Variants in EYS observed in about 807,000 individuals in gnomAD.
The protein encoded by EYS is protein eyes shut homolog.
In EYS, 250 loss-of-function variants were observed where a neutral mutation model predicts 282.1. The observed-to-expected ratio is 0.89, with a 90% CI of 0.80 to 0.98. EYS has a LOEUF of 0.98. Ranked by LOEUF, EYS falls within the 50% of genes least tolerant of loss-of-function variation. EYS has a pLI of 0.00. For missense variants in EYS, 4,016 were observed against 3,709.0 expected, an observed-to-expected ratio of 1.08 and a Z score of -2.15; for synonymous variants, 1,355 against 1,282.9, an observed-to-expected ratio of 1.06 and a Z score of -1.20.
At chr6:64,398,408 A>T (rs929609179) in intron 28 of EYS, among the ~76,000 whole-genome samples, 6 of 151,936 alleles carry the variant, frequency 3.9e-5, no homozygotes, top group Non-Finnish European at 8.8e-5. Flanking sequence ...CTCAGGCTGC[A>T]TTGCCCAGCA....
rs75642241 is a variant in EYS, at chr6:64,401,065, T to A, written c.5928-12225A>T. ...GTGACCTACTGTGATATTATTCACA[T>A]AGCTACTGTATCATTACACAGCAAG... On this transcript the variant is annotated intron_variant, in intron 28 of 42. Coordinates refer to ENST00000503581, the MANE Select transcript of EYS (RefSeq NM_001142800.2). Among the ~76,000 whole-genome samples the A allele has an allele frequency of 6.8e-4, 104 of 152,176 alleles. 1 individual carries two copies. The East Asian group carries it at 0.016, about 24-fold the overall frequency.
At chr6:64,922,109 A>T (rs538923661) in intron 15 of EYS, among the ~76,000 whole-genome samples, 1 of 152,348 alleles carries the variant, frequency 6.6e-6, no homozygotes, top group Admixed American at 6.5e-5. Context: ...GAAAATCAGC[A>T]GTCCTGTTGC....
intron 33 of EYS, among the ~76,000 whole-genome samples, chr6:64,010,231 C>A (rs1183558554): frequency 6.6e-6 from 1 of 152,214 alleles, no homozygotes; most frequent in Non-Finnish European, 1.5e-5. Flanking sequence ...TGCTCAGTTG[C>A]ACATGCCTGC....
intron 35 of EYS, among the ~76,000 whole-genome samples, chr6:63,945,617 C>A (rs1277968753): frequency 6.6e-6 from 1 of 152,272 alleles, no homozygotes; most frequent in Non-Finnish European, 1.5e-5. Flanking sequence ...TACAAAGCAA[C>A]TATTACTGAG....
At chr6:64,845,202 G>C (rs914781689) in intron 19 of EYS, among the ~76,000 whole-genome samples, 1 of 151,892 alleles carries the variant, frequency 6.6e-6, no homozygotes, top group African/African-American at 2.4e-5. Context: ...GAGGTGTGAG[G>C]ATCATTTGAG....
intron 31 of EYS, among the ~76,000 whole-genome samples, chr6:64,088,841 G>A (rs1772253279): frequency 6.6e-6 from 1 of 151,908 alleles, no homozygotes; most frequent in African/African-American, 2.4e-5. Flanking sequence ...TTTGTCTACA[G>A]CACAAATCCC....
At chr6:63,985,653 G>C (rs1388064756) in intron 34 of EYS, among the ~76,000 whole-genome samples, 1 of 151,566 alleles carries the variant, frequency 6.6e-6, no homozygotes, top group Non-Finnish European at 1.5e-5. Flanking sequence ...TCCAAAATCA[G>C]ATCAAGAAAA....
chr6:64,363,001 CT>C (rs5876892), intron 29 of EYS, among the ~76,000 whole-genome samples: 97,905 of 142,220 alleles, frequency 0.69, 32,803 homozygotes, highest in African/African-American at 0.76. Flanking sequence ...TTTTCTCTTT[CT>C]TTTTTTTTTG....
At chr6:65,350,242 A>G (rs1019279569) in intron 9 of EYS, among the ~76,000 whole-genome samples, 2 of 151,504 alleles carry the variant, frequency 1.3e-5, no homozygotes, top group Admixed American at 6.6e-5. Context: ...AAGGTAGAAC[A>G]ATATACTAAG....
intron 41 of EYS, among the ~76,000 whole-genome samples, chr6:63,755,323 G>A (rs1769450318): frequency 6.6e-6 from 1 of 152,160 alleles, no homozygotes; most frequent in Non-Finnish European, 1.5e-5. Context: ...CTAAGAAAGG[G>A]ATCCAGTTTC....
intron 12 of EYS, among the ~76,000 whole-genome samples, chr6:65,294,164 G>A (rs1159023469): frequency 6.6e-6 from 1 of 151,672 alleles, no homozygotes; most frequent in Non-Finnish European, 1.5e-5. Flanking sequence ...GAAGAGAAGG[G>A]GGCTGGAGAG....
At chr6:64,395,733 T>C (rs1392667973) in intron 28 of EYS, among the ~76,000 whole-genome samples, 1 of 150,806 alleles carries the variant, frequency 6.6e-6, no homozygotes, top group East Asian at 2.0e-4. Context: ...TGTATACATA[T>C]GTAACTAACC....
intron 23 of EYS, among the ~76,000 whole-genome samples, chr6:64,619,722 T>G (rs954638094): frequency 5.3e-5 from 8 of 152,078 alleles, no homozygotes; most frequent in African/African-American, 1.7e-4. Context: ...GTGCCCAGGC[T>G]GGAGTGCAGG....
chr6:64,297,299 T>C (rs979774951), intron 30 of EYS, among the ~76,000 whole-genome samples: 1 of 152,208 alleles, frequency 6.6e-6, no homozygotes, highest in African/African-American at 2.4e-5. Context: ...TTGTCTCTTT[T>C]CACACTTTTG....
At chr6:65,105,115 GA>G (rs1774997923) in intron 12 of EYS, among the ~76,000 whole-genome samples, 1 of 151,370 alleles carries the variant, frequency 6.6e-6, no homozygotes. Context: ...CTATTGTTTT[GA>G]AAAAAACTTT....
rs114367195 is a variant in EYS at position 63,968,337 on chromosome 6, C to T, written c.7055+16046G>A. On this transcript the variant is annotated intron_variant, in intron 35 of 42. Transcript: ENST00000503581. ...AAGGGCAAATACAATTCTTTATTTT[C>T]GTAGTCTTGGTTATGGGCTTATATG... 8.3e-4 allele frequency among the ~76,000 whole-genome samples: 126 copies of T among 152,124 alleles called. 1 individual carries two copies. The highest frequency in any genetic ancestry group is 2.9e-3 in the African/African-American group (121 of 41,516).
chr6:64,010,959 A>G (rs1430477221), intron 33 of EYS, among the ~76,000 whole-genome samples: 1 of 151,948 alleles, frequency 6.6e-6, no homozygotes, highest in Non-Finnish European at 1.5e-5. Context: ...TTTTCTGAGT[A>G]TATATATATG....
intron 12 of EYS, among the ~76,000 whole-genome samples, chr6:65,104,787 AG>A (rs1012031596): frequency 2.0e-5 from 3 of 151,602 alleles, no homozygotes; most frequent in African/African-American, 7.2e-5. Context: ...TAGCCTATCA[AG>A]GTTATATTTT....
chr6:64,628,600 G>T (rs1767683535), intron 22 of EYS, among the ~76,000 whole-genome samples: 1 of 151,906 alleles, frequency 6.6e-6, no homozygotes, highest in South Asian at 2.1e-4. Flanking sequence ...TATATAAAAT[G>T]GACATTTTCT....
Sources: allele counts gnomAD v4.1 joint callset (sites outside exome capture counted in the v4.1 genomes callset), GRCh38; gene constraint gnomAD v4.1.1; transcripts MANE v1.5; gene names NCBI Gene and HGNC (gene_info 2026-07-23, HGNC 2026-07-21).